Variants in NEO1 observed in about 807,000 individuals in gnomAD.
NEO1 encodes neogenin 1.
Under a neutral mutation model 159.7 loss-of-function variants are expected in NEO1, and 63 were observed. That is an observed-to-expected ratio of 0.39 (90% CI 0.32 to 0.49). NEO1 has a LOEUF of 0.49. Among genes scored for constraint, NEO1 ranks in the 20% least tolerant of loss-of-function variants. NEO1 has a pLI of 0.85. For missense variants in NEO1, 1,615 were observed against 1,831.0 expected, an observed-to-expected ratio of 0.88 and a Z score of 2.15; for synonymous variants, 633 against 662.0, an observed-to-expected ratio of 0.96 and a Z score of 0.67.
intron 7 of NEO1, among the ~76,000 whole-genome samples, chr15:73,196,772 C>T (rs780014791): frequency 1.3e-5 from 2 of 152,180 alleles, no homozygotes; most frequent in Non-Finnish European, 2.9e-5. Context: ...TTAGGTTTCC[C>T]TAGTCTACTT....
intron 1 of NEO1, among the ~76,000 whole-genome samples, chr15:73,111,592 A>ATATT (rs769214653): frequency 4.5e-4 from 68 of 152,094 alleles, no homozygotes; most frequent in Middle Eastern, 3.4e-3. Flanking sequence ...TAAAGGTATA[A>ATATT]TATTTATTTA....
rs79844853 is a variant in NEO1, at chr15:73,170,943, A to T, written c.1016-5460A>T. On this transcript the variant is annotated intron_variant, in intron 5 of 28. Coordinates refer to ENST00000261908, the MANE Select transcript of NEO1 (RefSeq NM_002499.4). ...GTTAACATCACCAAAAGAGAGATAG[A>T]CACACATGATGAACCTCCTGATAGA... 9.9e-5 allele frequency among the ~76,000 whole-genome samples: 15 copies of T among 152,082 alleles called. No individual in the cohort carries two copies. The East Asian group carries it at 2.9e-3, about 29-fold the overall frequency.
intron 8 of NEO1, among the ~76,000 whole-genome samples, chr15:73,240,054 C>T (rs2039415056): frequency 6.6e-6 from 1 of 152,062 alleles, no homozygotes; most frequent in Non-Finnish European, 1.5e-5. Flanking sequence ...ACAGGACAGT[C>T]CCACAACAAA....
In NEO1 at chr15:73,096,910, A is replaced by G. The variant is rs560748590; in HGVS notation, c.131-19630A>G. Among the ~76,000 whole-genome samples the G allele has an allele frequency of 2.0e-5, 3 of 152,258 alleles. No homozygotes were observed. In the East Asian group the frequency reaches 5.8e-4, roughly 29 times the overall value. The stretch of plus-strand genomic sequence containing the variant: ...GAGGCTGAGGTTGGATGATTGCTTG[A>G]GCACAGGAGTTCATGACTAACCTGG... On this transcript the variant is annotated intron_variant, in intron 1 of 28. Transcript: ENST00000261908.
At chr15:73,216,018 G>A (rs1435367641) in intron 7 of NEO1, among the ~76,000 whole-genome samples, 1 of 151,696 alleles carries the variant, frequency 6.6e-6, no homozygotes, top group Non-Finnish European at 1.5e-5. Flanking sequence ...TGCCATACTG[G>A]TGCACTGTAC....
chr15:73,163,851 C>T (rs924816598), intron 5 of NEO1, among the ~76,000 whole-genome samples: 1 of 152,124 alleles, frequency 6.6e-6, no homozygotes, highest in Non-Finnish European at 1.5e-5. Flanking sequence ...TCCCTCCCCA[C>T]TACAGATAGT....
intron 7 of NEO1, among the ~76,000 whole-genome samples, chr15:73,191,226 C>G (rs2036220509): frequency 6.6e-6 from 1 of 152,044 alleles, no homozygotes; most frequent in Non-Finnish European, 1.5e-5. Flanking sequence ...GTTTTGTTAC[C>G]TATAACTCTA....
At chr15:73,057,589 T>C (rs2067771528) in intron 1 of NEO1, among the ~76,000 whole-genome samples, 1 of 152,160 alleles carries the variant, frequency 6.6e-6, no homozygotes, top group Non-Finnish European at 1.5e-5. Flanking sequence ...GTCATGGACA[T>C]AGCTAGTGAA....
chr15:73,300,162 A>G (rs1424063678), intron 27 of NEO1, among the ~76,000 whole-genome samples: 1 of 152,252 alleles, frequency 6.6e-6, no homozygotes, highest in Non-Finnish European at 1.5e-5. Flanking sequence ...ATCTAAAAAC[A>G]TATTCATTAA....
At chr15:73,204,973 C>T (rs546074604) in intron 7 of NEO1, among the ~76,000 whole-genome samples, 34 of 152,126 alleles carry the variant, frequency 2.2e-4, no homozygotes, top group Non-Finnish European at 4.3e-4. Context: ...GCTTCTTTAG[C>T]GTACTTGATT....
intron 7 of NEO1, among the ~76,000 whole-genome samples, chr15:73,223,572 G>C (rs2038409077): frequency 6.6e-6 from 1 of 152,160 alleles, no homozygotes; most frequent in African/African-American, 2.4e-5. Context: ...TTGCTTTAAA[G>C]TTTGTTTTGT....
chr15:73,198,835 G>T (rs191779119), intron 7 of NEO1, among the ~76,000 whole-genome samples: 1 of 151,210 alleles, frequency 6.6e-6, no homozygotes, highest in Non-Finnish European at 1.5e-5. Context: ...CTTTATCTTA[G>T]GATTATATTA....
Position 73,165,116 on chromosome 15 carries a change from A to G in NEO1, c.1016-11287A>G, listed in dbSNP as rs1181303507. Among the ~76,000 whole-genome samples, 3 of 79,778 alleles carry G rather than the reference A, an allele frequency of 3.8e-5. No individual in the cohort carries two copies. In the East Asian group the frequency reaches 8.5e-4, roughly 22 times the overall value. The allele number at this position is 79,778 out of a possible 152,430, so 52.3% of individuals were successfully genotyped here. A position where few individuals can be genotyped will look rare whatever the true frequency, so the allele number is the denominator to read the frequency against. On this transcript the variant is annotated intron_variant, in intron 5 of 28. Coordinates refer to ENST00000261908, the MANE Select transcript of NEO1 (RefSeq NM_002499.4). ...CAATTTTTTTTTTTTTTTTTTTTGT[A>G]GAGATAGGGGTCTCACTATGTTGCC...
intron 1 of NEO1, among the ~76,000 whole-genome samples, chr15:73,077,970 C>T (rs966801100): frequency 5.3e-5 from 8 of 151,936 alleles, no homozygotes; most frequent in Non-Finnish European, 8.8e-5. Flanking sequence ...AGACCTATGG[C>T]GATGGGAAGC....
At chr15:73,230,714 T>C (rs1453250439) in intron 7 of NEO1, among the ~76,000 whole-genome samples, 1 of 152,068 alleles carries the variant, frequency 6.6e-6, no homozygotes, top group African/African-American at 2.4e-5. Flanking sequence ...CCTCAGCTTC[T>C]CAAGTAGCTG....
In NEO1 at chr15:73,257,132, CAAAAAAAAA is replaced by C. The variant is rs10623334; in HGVS notation, c.2093-1621_2093-1613del. Among the ~76,000 whole-genome samples, 16 of 54,774 alleles carry C rather than the reference CAAAAAAAAA, an allele frequency of 2.9e-4. 1 individual carries two copies. The highest frequency in any genetic ancestry group is 6.6e-4 in the Admixed American group (2 of 3,030). The allele number at this position is 54,774 out of a possible 152,430, so 35.9% of individuals were successfully genotyped here. A position where few individuals can be genotyped will look rare whatever the true frequency, so the allele number is the denominator to read the frequency against. On this transcript the variant is annotated intron_variant, in intron 13 of 28. Coordinates refer to ENST00000261908, the MANE Select transcript of NEO1 (RefSeq NM_002499.4). Reference sequence around the variant, plus strand: ...GGGCAACAGAGAGAGACTCTGTCTCCAAAAAAAAAAAAAAAAAAAAAGTTTCATATTTTA... The same window carrying C: ...GGGCAACAGAGAGAGACTCTGTCTCCAAAAAAAAAAAAGTTTCATATTTTA...
chr15:73,297,822 A>G (rs922631588), intron 26 of NEO1, among the ~76,000 whole-genome samples: 8 of 152,078 alleles, frequency 5.3e-5, no homozygotes, highest in Non-Finnish European at 1.2e-4. Context: ...CACTTGAGCT[A>G]TGGGTTTTTT....
At chr15:73,146,898 T>C (rs1362210325) in intron 5 of NEO1, among the ~76,000 whole-genome samples, 2 of 152,152 alleles carry the variant, frequency 1.3e-5, no homozygotes, top group African/African-American at 4.8e-5. Flanking sequence ...CTCAGCTGTA[T>C]TGTGATTTTT....
At position 73,244,101 on chromosome 15, in the gene NEO1, G is replaced by A. The variant is rs138800760; in HGVS notation, c.1452-243G>A. Among the ~76,000 whole-genome samples, 882 of 152,298 alleles carry A rather than the reference G, an allele frequency of 5.8e-3. 6 individuals carry two copies. The highest frequency in any genetic ancestry group is 0.02 in the African/African-American group (844 of 41,566). On this transcript the variant is annotated intron_variant, in intron 8 of 28. Transcript: ENST00000261908. The stretch of plus-strand genomic sequence containing the variant: ...CCTGTGTCTTCTCTGAAAGGAAGTT[G>A]TGATTATGGTCAGCGATATCAGTAA...
Sources: allele counts gnomAD v4.1 joint callset (sites outside exome capture counted in the v4.1 genomes callset), GRCh38; gene constraint gnomAD v4.1.1; transcripts MANE v1.5; gene names NCBI Gene and HGNC (gene_info 2026-07-23, HGNC 2026-07-21).